Variants in DOCK2 observed in about 807,000 individuals in gnomAD.
DOCK2 encodes the protein dedicator of cytokinesis protein 2.
Under a neutral mutation model 248.9 loss-of-function variants are expected in DOCK2, and 87 were observed. The observed-to-expected ratio is 0.35, with a 90% CI of 0.29 to 0.42. DOCK2 has a LOEUF of 0.42. Among genes scored for constraint, DOCK2 ranks in the 10% least tolerant of loss-of-function variants. The pLI, the probability that DOCK2 is intolerant of heterozygous loss-of-function variation, is 1.00. For missense variants in DOCK2, 1,747 were observed against 2,300.2 expected (o/e 0.76, Z 4.92); for synonymous variants, 805 against 821.6 (o/e 0.98, Z 0.35).
rs886973563 is a variant in DOCK2 at position 169,867,411 on chromosome 5, G to A, written c.2799+26559G>A. ...AGGAACCATGGGTGAAAACCTCTCT[G>A]TCTGTCTGTCTGTCTGTCTGTCTGT... is the stretch of plus-strand genomic sequence containing the variant. On this transcript the variant is annotated intron_variant, in intron 27 of 51. Transcript: ENST00000520908. 1.2e-4 allele frequency among the ~76,000 whole-genome samples: 3 copies of A among 24,048 alleles called. No homozygotes were observed. The Admixed American group carries it at 1.5e-3, about 12-fold the overall frequency. The allele number at this position is 24,048 out of a possible 152,430, so 15.8% of individuals were successfully genotyped here.
At chr5:169,964,306 A>G (rs150178131) in intron 27 of DOCK2, among the ~76,000 whole-genome samples, 366 of 152,288 alleles carry the variant, frequency 2.4e-3, no homozygotes, top group Admixed American at 8.6e-3. Flanking sequence ...GGCAGTTTCC[A>G]GAAAGTTGCT....
At chr5:169,931,544 G>A (rs1321924998) in intron 27 of DOCK2, among the ~76,000 whole-genome samples, 3 of 152,194 alleles carry the variant, frequency 2.0e-5, no homozygotes, top group Non-Finnish European at 2.9e-5. Context: ...TTTGGGGTGG[G>A]AGGTCAGACC....
intron 27 of DOCK2, among the ~76,000 whole-genome samples, chr5:169,969,948 A>C (rs1306707599): frequency 2.6e-5 from 4 of 152,238 alleles, no homozygotes; most frequent in Non-Finnish European, 5.9e-5. Flanking sequence ...ATTGTTGACA[A>C]CAAATTCAAA....
At chr5:170,018,899 CGGA>C in intron 32 of DOCK2, 58 bp from the exon 33 acceptor site, 2 of 1,575,650 alleles carry the variant, frequency 1.3e-6, no homozygotes, top group Non-Finnish European at 1.7e-6. Flanking sequence ...CAGGCTTGGT[CGGA>C]GGAGGACCTG....
At chr5:169,961,129 C>T (rs1052560348) in intron 27 of DOCK2, among the ~76,000 whole-genome samples, 4 of 152,156 alleles carry the variant, frequency 2.6e-5, no homozygotes, top group Non-Finnish European at 5.9e-5. Context: ...CAATTTCATG[C>T]ATGTAGGGAG....
chr5:169,769,063 G>A (rs1311190585), intron 25 of DOCK2, among the ~76,000 whole-genome samples: 3 of 152,128 alleles, frequency 2.0e-5, no homozygotes, highest in African/African-American at 7.2e-5. Flanking sequence ...CTTCTGCACC[G>A]TGATCTCTGT....
At chr5:170,007,105 G>A (rs1755060787) in intron 30 of DOCK2, among the ~76,000 whole-genome samples, 1 of 152,104 alleles carries the variant, frequency 6.6e-6, no homozygotes, top group Non-Finnish European at 1.5e-5. Context: ...TCATACTCTG[G>A]GCAGCAATGA....
intron 29 of DOCK2, among the ~76,000 whole-genome samples, chr5:169,988,233 G>T (rs1026973607): frequency 6.6e-6 from 1 of 152,084 alleles, no homozygotes; most frequent in African/African-American, 2.4e-5. Context: ...CACATGAAAT[G>T]TTCTCACTAT....
chr5:169,808,929 A>G (rs1398044392), intron 26 of DOCK2, among the ~76,000 whole-genome samples: 1 of 152,014 alleles, frequency 6.6e-6, no homozygotes, highest in Non-Finnish European at 1.5e-5. Flanking sequence ...ATTTGAGTCT[A>G]TTGGCTAAAC....
At chr5:169,952,947 G>A (rs1356993896) in intron 27 of DOCK2, among the ~76,000 whole-genome samples, 1 of 152,218 alleles carries the variant, frequency 6.6e-6, no homozygotes, top group East Asian at 1.9e-4. Context: ...TAGGTTGATT[G>A]TGGTAAAGGG....
chr5:169,821,970 T>C (rs1296365181), intron 26 of DOCK2, among the ~76,000 whole-genome samples: 1 of 151,938 alleles, frequency 6.6e-6, no homozygotes, highest in Admixed American at 6.6e-5. Flanking sequence ...GTTGCAATCC[T>C]AGTCTCTGAT....
At chr5:170,063,273 C>T (rs759175417) in intron 44 of DOCK2, among the ~76,000 whole-genome samples, 4 of 152,106 alleles carry the variant, frequency 2.6e-5, no homozygotes, top group Non-Finnish European at 5.9e-5. Flanking sequence ...ATTGAATGTC[C>T]CAACTTTTAG....
At chr5:169,681,914 A>G (rs1289237994) in intron 7 of DOCK2, 35 bp downstream of exon 7, 3 of 1,609,344 alleles carry the variant, frequency 1.9e-6, no homozygotes, top group Non-Finnish European at 1.7e-6. Flanking sequence ...GCCAAGTGAT[A>G]CAATCATTTA....
At chr5:169,902,638 G>T (rs1255513222) in intron 27 of DOCK2, among the ~76,000 whole-genome samples, 2 of 152,310 alleles carry the variant, frequency 1.3e-5, no homozygotes, top group Non-Finnish European at 2.9e-5. Context: ...TGGGTTCCTG[G>T]CATGATGCTG....
chr5:169,795,380 C>T (rs972623691), intron 25 of DOCK2, among the ~76,000 whole-genome samples: 1 of 152,024 alleles, frequency 6.6e-6, no homozygotes, highest in Non-Finnish European at 1.5e-5. Flanking sequence ...TTTTGGTCCC[C>T]GAGGGGTTCA....
chr5:169,637,504 C>T (rs1433831744), intron 1 of DOCK2, 135 bp downstream of exon 1: 1 of 1,028,204 alleles, frequency 9.7e-7, no homozygotes, highest in African/African-American at 1.7e-5. Context: ...CAGCCTGCGG[C>T]GGGGCCTCGG....
intron 29 of DOCK2, among the ~76,000 whole-genome samples, chr5:169,992,401 T>G (rs568353116): frequency 3.0e-4 from 46 of 152,272 alleles, no homozygotes; most frequent in Middle Eastern, 3.4e-3. Flanking sequence ...TTGTTGAGAG[T>G]AATAGAGTTG....
intron 41 of DOCK2, among the ~76,000 whole-genome samples, chr5:170,050,888 T>G (rs1756890597): frequency 6.6e-6 from 1 of 152,238 alleles, no homozygotes; most frequent in South Asian, 2.1e-4. Flanking sequence ...GCCCTGACTC[T>G]ATGCTAAGCA....
chr5:170,081,071 G>A (rs1329303588), intron 50 of DOCK2: 1 of 152,362 alleles, frequency 6.6e-6, no homozygotes, highest in Non-Finnish European at 1.5e-5. Flanking sequence ...GCATACCCAG[G>A]AAGTAGTTCA....
Sources: allele counts gnomAD v4.1 joint callset (sites outside exome capture counted in the v4.1 genomes callset), GRCh38; gene constraint gnomAD v4.1.1; transcripts MANE v1.5; gene names NCBI Gene and HGNC (gene_info 2026-07-23, HGNC 2026-07-21).